The following CYP19A1 variants were observed in gnomAD, a reference collection of about 807,000 sequenced individuals.
CYP19A1 encodes the protein cytochrome P450 family 19 subfamily A member 1, also known as aromatase.
In CYP19A1, 32 loss-of-function variants were observed where a neutral mutation model predicts 44.4. The ratio of observed to expected loss-of-function variants is 0.72; its 90% CI spans 0.54 to 0.97. The LOEUF is 0.97. Among genes scored for constraint, CYP19A1 ranks in the 50% least tolerant of loss-of-function variants. The pLI is 0.00. For missense variants in CYP19A1, 598 were observed against 637.8 expected, an observed-to-expected ratio of 0.94 and a Z score of 0.67; for synonymous variants, 212 against 215.6, an observed-to-expected ratio of 0.98 and a Z score of 0.14.
chr15:51,260,400 A>C (rs573062797), intron 1 of CYP19A1, among the ~76,000 whole-genome samples: 38 of 152,322 alleles, frequency 2.5e-4, no homozygotes, highest in African/African-American at 9.1e-4. Context: ...GTGACTAAAA[A>C]CGTCTGGTTC....
At chr15:51,299,006 A>G (rs962683413) in intron 1 of CYP19A1, among the ~76,000 whole-genome samples, 3 of 152,188 alleles carry the variant, frequency 2.0e-5, no homozygotes, top group Admixed American at 2.0e-4. Flanking sequence ...TGCCACCCCC[A>G]TGCTCCATGA....
At chr15:51,257,088 A>C (rs1044806893) in intron 1 of CYP19A1, among the ~76,000 whole-genome samples, 9 of 152,230 alleles carry the variant, frequency 5.9e-5, no homozygotes, top group African/African-American at 2.2e-4. Flanking sequence ...TTTAGGCAGC[A>C]GCCTCCCCCT....
intron 1 of CYP19A1, among the ~76,000 whole-genome samples, chr15:51,297,861 CA>C (rs1433540685): frequency 3.3e-5 from 5 of 151,682 alleles, no homozygotes; most frequent in African/African-American, 4.8e-5. Flanking sequence ...CACACACACA[CA>C]CACACACCCT....
At chr15:51,253,133 C>A (rs573965225) in intron 1 of CYP19A1, among the ~76,000 whole-genome samples, 1 of 152,254 alleles carries the variant, frequency 6.6e-6, no homozygotes, top group East Asian at 1.9e-4. Context: ...AGATCTCTAC[C>A]TTAGTTTCCT....
rs28757194 is a variant in CYP19A1, at chr15:51,215,041, G to A, written c.1021+29C>T. 7.5e-4 allele frequency: 1,197 copies of A among 1,594,108 alleles called. 8 individuals are homozygous for A. The African/African-American group carries it at 0.014, about 19-fold the overall frequency. ...GACATTCAGAAGAAATTGTTTTTAAGATGTATTATTTATTTGATAAATTCT... is the reference window on the plus strand; with the variant it reads ...GACATTCAGAAGAAATTGTTTTTAAAATGTATTATTTATTTGATAAATTCT... On this transcript the variant is annotated intron_variant, in intron 8 of 9. Transcript: ENST00000396402.
At chr15:51,325,096 G>C (rs1291464679) in intron 1 of CYP19A1, among the ~76,000 whole-genome samples, 3 of 152,184 alleles carry the variant, frequency 2.0e-5, no homozygotes, top group African/African-American at 7.2e-5. Context: ...TTATGTGCCT[G>C]TAGTCCCAGC....
chr15:51,229,417 G>A (rs991933171), intron 3 of CYP19A1, among the ~76,000 whole-genome samples: 1 of 147,898 alleles, frequency 6.8e-6, no homozygotes, highest in African/African-American at 2.5e-5. Context: ...CAGAGTTATT[G>A]TATAAATAAC....
chr15:51,286,393 A>G (rs1029820745), intron 1 of CYP19A1, among the ~76,000 whole-genome samples: 25 of 152,172 alleles, frequency 1.6e-4, no homozygotes, highest in Non-Finnish European at 4.4e-5. Flanking sequence ...GAAGCACTCA[A>G]TTAAATTTCT....
At position 51,227,796 on chromosome 15, in the gene CYP19A1, C is replaced by T. The variant is rs377298859; in HGVS notation, c.434G>A (p.Arg145Gln). Residue 145 changes from arginine to glutamine, a missense_variant, in exon 4 of 10, where the codon CGA becomes CAA. Coordinates refer to ENST00000396402, the MANE Select transcript of CYP19A1 (RefSeq NM_000103.4). ...NNNPELWKTT[R>Q]PFFMKALSGP... ...CTGCTTACCTTTCATAAAGAAGGGT[C>T]GAGTTGTTTTCCAGAGCTCTGGATT... is the stretch of plus-strand genomic sequence containing the variant. The T allele has an allele frequency of 4.6e-6, 7 of 1,532,304 alleles. No homozygotes were observed. The highest frequency in any genetic ancestry group is 4.1e-5 in the African/African-American group (3 of 73,246). 94.9% of individuals were successfully genotyped at this position (1,532,304 alleles called of 1,614,324 possible). A position where few individuals can be genotyped will look rare whatever the true frequency, so the allele number is the denominator to read the frequency against.
rs189822296 is a variant in CYP19A1 at position 51,335,438 on chromosome 15, A to G, written c.-39+3057T>C. 3.3e-5 allele frequency among the ~76,000 whole-genome samples: 5 copies of G among 152,342 alleles called. No individual in the cohort carries two copies. In the East Asian group the frequency reaches 5.8e-4, roughly 18 times the overall value. On this transcript the variant is annotated intron_variant, in intron 1 of 9. Transcript: ENST00000396402. ...TTGGTGCTCTTACCTGGAAGCACCA[A>G]AGGCTAACTTCCAAGAAAATGCTAA...
chr15:51,223,593 TCACACACACACACACACACA>T (rs5812545), intron 4 of CYP19A1, among the ~76,000 whole-genome samples: 5 of 90,146 alleles, frequency 5.5e-5, no homozygotes, highest in Non-Finnish European at 8.8e-5. Context: ...TCTCTCTCTC[TCACACACACACACACACACA>T]CACACACACA....
rs756783943 is a variant in CYP19A1 at position 51,215,139 on chromosome 15, T to A, written c.952A>T (p.Met318Leu). ...GGGTGCTTTGCAATGAGAAATAGCA[T>A]GAAGAACAAAGAGACAGACATGGTG... is the stretch of plus-strand genomic sequence containing the variant. Reference protein sequence around the residue: ...PDTMSVSLFFMLFLIAKHPNV... With the variant: ...PDTMSVSLFFLLFLIAKHPNV... Residue 318 changes from methionine to leucine, a missense_variant, in exon 8 of 10, where the codon ATG becomes TTG. Transcript: ENST00000396402. 6.2e-7 allele frequency: 1 copy of A among 1,614,102 alleles called. No individual in the cohort carries two copies. The highest frequency in any genetic ancestry group is 8.5e-7 in the Non-Finnish European group (1 of 1,179,990).
intron 1 of CYP19A1, among the ~76,000 whole-genome samples, chr15:51,330,120 A>G (rs972182681): frequency 3.9e-5 from 6 of 152,174 alleles, no homozygotes; most frequent in African/African-American, 1.4e-4. Context: ...GGAAGCTGGA[A>G]GAAGGAACGT....
chr15:51,262,107 A>G (rs181804926), intron 1 of CYP19A1, among the ~76,000 whole-genome samples: 1 of 152,240 alleles, frequency 6.6e-6, no homozygotes, highest in Non-Finnish European at 1.5e-5. Context: ...TGGCCCACCC[A>G]GGGCAGAAAA....
intron 4 of CYP19A1, among the ~76,000 whole-genome samples, chr15:51,226,062 C>T (rs2032542875): frequency 7.6e-6 from 1 of 131,252 alleles, no homozygotes; most frequent in Admixed American, 8.5e-5. Flanking sequence ...GCACTCCAGC[C>T]TGGGTGACAG....
chr15:51,336,908 G>GCTGA (rs5812551), intron 1 of CYP19A1, among the ~76,000 whole-genome samples: 74,545 of 148,026 alleles, frequency 0.5, 19,552 homozygotes, highest in African/African-American at 0.69. Flanking sequence ...CAGATTGATA[G>GCTGA]CTTTTTTTTT....
intron 1 of CYP19A1, among the ~76,000 whole-genome samples, chr15:51,304,889 C>T (rs1302189655): frequency 8.4e-6 from 1 of 118,382 alleles, no homozygotes; most frequent in African/African-American, 4.4e-5. Context: ...TGTGTCTCTT[C>T]CTTTTTTTTT....
chr15:51,310,407 C>A (rs2036290872), intron 1 of CYP19A1, among the ~76,000 whole-genome samples: 1 of 152,182 alleles, frequency 6.6e-6, no homozygotes, highest in African/African-American at 2.4e-5. Flanking sequence ...ACAGCAACAA[C>A]CCCAAGAAAT....
intron 1 of CYP19A1, among the ~76,000 whole-genome samples, chr15:51,305,860 C>T (rs1056296461): frequency 6.6e-6 from 1 of 152,214 alleles, no homozygotes; most frequent in South Asian, 2.1e-4. Context: ...TGCGCGCCAC[C>T]TTGTATTGCT....
Sources: allele counts gnomAD v4.1 joint callset (sites outside exome capture counted in the v4.1 genomes callset), GRCh38; gene constraint gnomAD v4.1.1; transcripts MANE v1.5; gene names NCBI Gene and HGNC (gene_info 2026-07-23, HGNC 2026-07-21).